The following FRAS1 variants were observed in gnomAD, a reference collection of about 807,000 sequenced individuals.
FRAS1 encodes Fraser extracellular matrix complex subunit 1.
Under a neutral mutation model 435.2 loss-of-function variants are expected in FRAS1, and 290 were observed. That is an observed-to-expected ratio of 0.67 (90% confidence interval 0.61 to 0.73). The LOEUF is 0.73. Among genes scored for constraint, FRAS1 ranks in the 30% least tolerant of loss-of-function variants. The pLI is 0.00. For synonymous variants in FRAS1, 1,800 were observed against 1,851.0 expected, an observed-to-expected ratio of 0.97 and a Z score of 0.71; for missense variants, 4,860 against 5,001.5, an observed-to-expected ratio of 0.97 and a Z score of 0.85.
intron 2 of FRAS1, among the ~76,000 whole-genome samples, chr4:78,130,865 A>C (rs913661131): frequency 3.3e-5 from 5 of 152,228 alleles, no homozygotes; most frequent in African/African-American, 1.2e-4. Flanking sequence ...CTAAAAAGTC[A>C]TAACTTGTAG....
chr4:78,519,865 G>A (rs1721334144), intron 67 of FRAS1, among the ~76,000 whole-genome samples: 1 of 152,128 alleles, frequency 6.6e-6, no homozygotes, highest in Non-Finnish European at 1.5e-5. Flanking sequence ...CAGATGCAAG[G>A]AAATGGAAAA....
chr4:78,124,334 T>C (rs1719213329), intron 2 of FRAS1, among the ~76,000 whole-genome samples: 1 of 152,212 alleles, frequency 6.6e-6, no homozygotes, highest in Non-Finnish European at 1.5e-5. Flanking sequence ...AACTTGATCG[T>C]GGTGGATAAG....
Position 78,412,953 on chromosome 4 carries a change from A to G in FRAS1, c.4309-16A>G, listed in dbSNP as rs1245584475. On this transcript the variant is annotated splice_polypyrimidine_tract_variant and intron_variant, in intron 31 of 73. Coordinates refer to ENST00000512123, the MANE Select transcript of FRAS1 (RefSeq NM_025074.7). ...AATAGAAGATGAGAGGCTCACCAGGATGACTTTCTTTTCAGGTGTCCAGTG... is the reference window on the plus strand; with the variant it reads ...AATAGAAGATGAGAGGCTCACCAGGGTGACTTTCTTTTCAGGTGTCCAGTG... The G allele has an allele frequency of 1.3e-6, 2 of 1,543,572 alleles. 1 individual carries two copies.
chr4:78,298,030 C>CTCTATATA (rs1253600018), intron 14 of FRAS1, among the ~76,000 whole-genome samples: 8 of 104,076 alleles, frequency 7.7e-5, no homozygotes, highest in African/African-American at 1.7e-4. Context: ...CTCTCTCTCT[C>CTCTATATA]TATATATATA....
chr4:78,101,226 T>TA lies in FRAS1; in HGVS notation c.108+35220dup, dbSNP rs111899806. Among the ~76,000 whole-genome samples, 39 of 149,792 alleles carry TA rather than the reference T, an allele frequency of 2.6e-4. 1 individual carries two copies. Among genetic ancestry groups the TA allele is most frequent in the South Asian group, 1.5e-3 (7 of 4,730 alleles). ...CTGTATTATTCATAAAAGGAAAGGC[T>TA]AAAAAAAAAATGTGAAGGGACAAGT... On this transcript the variant is annotated intron_variant, in intron 2 of 73. Coordinates refer to ENST00000512123, the MANE Select transcript of FRAS1 (RefSeq NM_025074.7).
chr4:78,512,215 G>A lies in FRAS1; in HGVS notation c.10013+709G>A, dbSNP rs115007268. Among the ~76,000 whole-genome samples, 540 of 152,246 alleles carry A rather than the reference G, an allele frequency of 3.5e-3. 3 individuals are homozygous for A. Among genetic ancestry groups the A allele is most frequent in the Non-Finnish European group, 5.6e-3 (382 of 68,012 alleles). Reference sequence around the variant, plus strand: ...AAAAAAGAATTTGTGTATGTTATGCGTATTTATTAAACACTATAGTATTTA... The same window carrying A: ...AAAAAAGAATTTGTGTATGTTATGCATATTTATTAAACACTATAGTATTTA... On this transcript the variant is annotated intron_variant, in intron 64 of 73. Transcript: ENST00000512123.
At chr4:78,138,007 G>A (rs7673873) in intron 2 of FRAS1, among the ~76,000 whole-genome samples, 24,855 of 152,086 alleles carry the variant, frequency 0.16, 2,224 homozygotes, top group Admixed American at 0.2. Context: ...ATTAGTGGTC[G>A]GGTGCACCCA....
chr4:78,263,586 A>G (rs1242172599), intron 6 of FRAS1, among the ~76,000 whole-genome samples: 2 of 152,142 alleles, frequency 1.3e-5, no homozygotes, highest in African/African-American at 4.8e-5. Flanking sequence ...TCATTTGTTT[A>G]TTATAATAAA....
intron 2 of FRAS1, chr4:78,180,912 G>A (rs866254102): frequency 9.3e-6 from 15 of 1,605,350 alleles, no homozygotes; most frequent in Non-Finnish European, 1.3e-5. Context: ...ATCAGGAGCA[G>A]AAGTACTTGA....
At chr4:78,309,593 G>A (rs1461965093) in intron 15 of FRAS1, among the ~76,000 whole-genome samples, 2 of 152,102 alleles carry the variant, frequency 1.3e-5, no homozygotes, top group Middle Eastern at 3.2e-3. Context: ...TCTGGCTCTG[G>A]GCCTTAACTG....
At chr4:78,087,332 A>G (rs1741237439) in intron 2 of FRAS1, among the ~76,000 whole-genome samples, 2 of 152,020 alleles carry the variant, frequency 1.3e-5, no homozygotes, top group Admixed American at 6.6e-5. Flanking sequence ...TGAATGGACA[A>G]AAATTGGAAG....
At chr4:78,198,229 T>TC (rs1420373503) in intron 2 of FRAS1, among the ~76,000 whole-genome samples, 1 of 151,826 alleles carries the variant, frequency 6.6e-6, no homozygotes, top group African/African-American at 2.4e-5. Flanking sequence ...GAGGAGTGAG[T>TC]CCCCCCTGAC....
intron 20 of FRAS1, among the ~76,000 whole-genome samples, chr4:78,359,605 T>C (rs1446162289): frequency 6.6e-6 from 1 of 152,136 alleles, no homozygotes; most frequent in Non-Finnish European, 1.5e-5. Context: ...TGGGTCCCAC[T>C]CAGGTTGTTG....
chr4:78,497,853 G>C (rs1266910768), intron 60 of FRAS1, among the ~76,000 whole-genome samples: 1 of 152,136 alleles, frequency 6.6e-6, no homozygotes, highest in African/African-American at 2.4e-5. Context: ...AGAAACTCCA[G>C]CCTCAAAGTT....
intron 44 of FRAS1, among the ~76,000 whole-genome samples, chr4:78,449,114 G>A (rs1391690221): frequency 1.3e-5 from 2 of 152,146 alleles, no homozygotes; most frequent in African/African-American, 4.8e-5. Flanking sequence ...ATGGATGCTG[G>A]TAGAAGATAC....
intron 1 of FRAS1, among the ~76,000 whole-genome samples, chr4:78,058,984 C>A (rs938796433): frequency 7.9e-5 from 12 of 152,358 alleles, no homozygotes; most frequent in African/African-American, 2.2e-4. Context: ...AGGGAGCCGG[C>A]GGGCTGGGAG....
At chr4:78,104,021 A>G (rs1372215097) in intron 2 of FRAS1, among the ~76,000 whole-genome samples, 1 of 152,210 alleles carries the variant, frequency 6.6e-6, no homozygotes, top group Middle Eastern at 3.2e-3. Context: ...ACTTGTAAAA[A>G]GTAGCCTCCT....
intron 2 of FRAS1, among the ~76,000 whole-genome samples, chr4:78,069,092 T>C (rs1397291374): frequency 6.6e-6 from 1 of 152,254 alleles, no homozygotes; most frequent in East Asian, 1.9e-4. Flanking sequence ...AAGAGCTGGC[T>C]CTGAGAATAG....
At chr4:78,382,416 A>G (rs1000591427) in intron 27 of FRAS1, among the ~76,000 whole-genome samples, 4 of 151,992 alleles carry the variant, frequency 2.6e-5, no homozygotes, top group Admixed American at 2.6e-4. Flanking sequence ...GGTACTTTCA[A>G]TCAAATAACA....
Sources: allele counts gnomAD v4.1 joint callset (sites outside exome capture counted in the v4.1 genomes callset), GRCh38; gene constraint gnomAD v4.1.1; transcripts MANE v1.5; gene names NCBI Gene and HGNC (gene_info 2026-07-23, HGNC 2026-07-21).